APOO: variants seen among roughly 807,000 people sequenced by gnomAD.
The protein encoded by APOO is apolipoprotein O.
APOO carries 11 observed loss-of-function variants against 23.1 expected under a neutral mutation model. The ratio of observed to expected loss-of-function variants is 0.48; its 90% CI spans 0.30 to 0.79. The LOEUF (loss-of-function observed/expected upper bound fraction) is 0.79. Among genes scored for constraint, APOO ranks in the 30% least tolerant of loss-of-function variants. The probability of loss-of-function intolerance (pLI) is 0.07; values close to 1 mark genes in which losing one functional copy is unlikely to be tolerated. For missense variants in APOO, 160 were observed against 142.7 expected, an observed-to-expected ratio of 1.12 and a Z score of -0.62; for synonymous variants, 59 against 54.8, an observed-to-expected ratio of 1.08 and a Z score of -0.34.
intron 5 of APOO, among the ~76,000 whole-genome samples, chrX:23,862,839 A>G (rs190202828): frequency 0.027 from 2,093 of 76,621 alleles, 33 homozygotes; most frequent in Non-Finnish European, 0.042. Flanking sequence ...GAAGGAGGGA[A>G]GGGAAGGGAG....
chrX:23,906,932 T>C (rs1207705471), intron 1 of APOO, among the ~76,000 whole-genome samples: 2 of 112,610 alleles, frequency 1.8e-5, no homozygotes, highest in Non-Finnish European at 3.8e-5. Context: ...AGTACAATTC[T>C]GAGATTTCAT....
chrX:23,862,386 C>G (rs1309097501), intron 5 of APOO, among the ~76,000 whole-genome samples: 2 of 111,431 alleles, frequency 1.8e-5, no homozygotes, highest in African/African-American at 3.3e-5. Context: ...ATAAAATAAT[C>G]AAGAAAATAT....
chrX:23,897,239 T>C (rs1458819320), intron 1 of APOO, among the ~76,000 whole-genome samples: 1 of 112,424 alleles, frequency 8.9e-6, no homozygotes, highest in Non-Finnish European at 1.9e-5. Flanking sequence ...TCATCTGCAA[T>C]TGTTTCATTT....
chrX:23,893,867 C>T (rs1224181374), intron 1 of APOO, among the ~76,000 whole-genome samples: 3 of 110,789 alleles, frequency 2.7e-5, no homozygotes, highest in Non-Finnish European at 3.8e-5. Context: ...CCACCATGCC[C>T]GGCCAGCAAT....
chrX:23,876,569 G>A (rs888091650), intron 3 of APOO, among the ~76,000 whole-genome samples: 1 of 110,772 alleles, frequency 9.0e-6, no homozygotes, highest in Admixed American at 9.8e-5. Flanking sequence ...GGGAGGCCGA[G>A]GTGGACGGAT....
intron 7 of APOO, among the ~76,000 whole-genome samples, chrX:23,851,601 G>A (rs1287263387): frequency 8.9e-6 from 1 of 112,543 alleles, no homozygotes; most frequent in Non-Finnish European, 1.9e-5. Flanking sequence ...TTAAAAGAAA[G>A]CCCTAGACTG....
chrX:23,880,659 T>C (rs1197587684), intron 2 of APOO, among the ~76,000 whole-genome samples, 186 bp downstream of exon 2: 3 of 109,424 alleles, frequency 2.7e-5, no homozygotes, highest in Non-Finnish European at 3.8e-5. Flanking sequence ...GATCGCACCA[T>C]TGCACTCCAG....
intron 1 of APOO, among the ~76,000 whole-genome samples, chrX:23,894,666 T>C (rs1330694456): frequency 1.8e-5 from 2 of 108,423 alleles, no homozygotes; most frequent in African/African-American, 3.4e-5. Flanking sequence ...CATGGTGGAG[T>C]GCGCCTGTAA....
intron 7 of APOO, among the ~76,000 whole-genome samples, chrX:23,846,033 G>A (rs990969490): frequency 7.2e-5 from 8 of 111,247 alleles, no homozygotes; most frequent in African/African-American, 1.6e-4. Context: ...AGCTGGGTGC[G>A]GTGGCTCACG....
intron 5 of APOO, among the ~76,000 whole-genome samples, chrX:23,861,716 C>G (rs1253524930): frequency 9.2e-6 from 1 of 108,916 alleles, no homozygotes; most frequent in East Asian, 2.9e-4. Flanking sequence ...TGGGTGCACC[C>G]TTGTATATGG....
intron 4 of APOO, among the ~76,000 whole-genome samples, chrX:23,872,571 G>A (rs1425809948): frequency 9.6e-6 from 1 of 104,258 alleles, no homozygotes; most frequent in East Asian, 2.9e-4. Flanking sequence ...CATAGTAGGT[G>A]TATATATTTA....
chrX:23,886,054 T>C lies in APOO; in HGVS notation c.10-5102A>G, dbSNP rs1926355149. Among the ~76,000 whole-genome samples, 3 of 111,108 alleles carry C rather than the reference T, an allele frequency of 2.7e-5. No individual in the cohort carries two copies. The South Asian group carries it at 1.1e-3, about 42-fold the overall frequency. On this transcript the variant is annotated intron_variant, in intron 1 of 8. Coordinates refer to ENST00000379226, the MANE Select transcript of APOO (RefSeq NM_024122.5). ...GGGCTGTCCTGTGCACTGCAGGAAG[T>C]TTGGCAGCATCCCTAGCCTCTACCC... is the stretch of plus-strand genomic sequence containing the variant.
intron 1 of APOO, among the ~76,000 whole-genome samples, chrX:23,890,004 C>A (rs1198657164): frequency 1.8e-5 from 2 of 111,091 alleles, no homozygotes; most frequent in Non-Finnish European, 3.8e-5. Context: ...ACAGCTTCCC[C>A]CAGAGTGTCT....
chrX:23,891,756 ACTCT>A lies in APOO; in HGVS notation c.10-10808_10-10805del, dbSNP rs748421958. On this transcript the variant is annotated intron_variant, in intron 1 of 8. Coordinates refer to ENST00000379226, the MANE Select transcript of APOO (RefSeq NM_024122.5). The stretch of plus-strand genomic sequence containing the variant: ...TCTATTTTCCATGTAAATAATTTAA[ACTCT>A]CTCTATGTAAGTATATATACACTTA... Among the ~76,000 whole-genome samples the A allele has an allele frequency of 3.5e-4, 38 of 109,724 alleles. No homozygotes were observed. In the East Asian group the frequency reaches 3.7e-3, roughly 11 times the overall value.
At chrX:23,859,345 A>G (rs910168850) in intron 5 of APOO, among the ~76,000 whole-genome samples, 5 of 111,747 alleles carry the variant, frequency 4.5e-5, no homozygotes, top group African/African-American at 1.6e-4. Context: ...TCACTAAAAG[A>G]AACCCATTAG....
rs773306111 is a variant in APOO, at chrX:23,848,852, A to ATTT, written c.561+7447_561+7449dup. Among the ~76,000 whole-genome samples the ATTT allele has an allele frequency of 8.5e-4, 54 of 63,628 alleles. 1 individual carries two copies. The highest frequency in any genetic ancestry group is 3.1e-3 in the African/African-American group (49 of 15,755). 55.3% of individuals were successfully genotyped at this position (63,628 alleles called of 115,157 possible). Reference sequence around the variant, plus strand: ...AGGCACGTGCCACCATGCGCGGCTGATTTTTTTTTTTTTTTTTTTTTTGAG... The same window carrying ATTT: ...AGGCACGTGCCACCATGCGCGGCTGATTTTTTTTTTTTTTTTTTTTTTTTTGAG... On this transcript the variant is annotated intron_variant, in intron 7 of 8. Coordinates refer to ENST00000379226, the MANE Select transcript of APOO (RefSeq NM_024122.5).
chrX:23,884,217 C>T (rs989502955), intron 1 of APOO, among the ~76,000 whole-genome samples: 11 of 110,741 alleles, frequency 9.9e-5, no homozygotes, highest in Non-Finnish European at 9.4e-5. Flanking sequence ...TTTAGAAAGA[C>T]GATTATTTCT....
chrX:23,876,523 G>A (rs111619929), intron 3 of APOO, among the ~76,000 whole-genome samples: 43 of 109,943 alleles, frequency 3.9e-4, no homozygotes, highest in African/African-American at 1.3e-3. Context: ...AATTAAGGCC[G>A]GGCACAGTGG....
At chrX:23,905,984 G>A (rs990136460) in intron 1 of APOO, among the ~76,000 whole-genome samples, 2 of 112,603 alleles carry the variant, frequency 1.8e-5, no homozygotes, top group African/African-American at 3.2e-5. Context: ...GGCCCCCAGC[G>A]AAGTGCACCA....
Sources: gnomAD v4.1 joint callset for allele counts (sites outside exome capture counted in the v4.1 genomes callset) on GRCh38, gnomAD v4.1.1 for gene constraint, MANE v1.5 for transcripts, NCBI Gene and HGNC (gene_info 2026-07-23, HGNC 2026-07-21) for gene names.